The following NEK11 variants were observed in gnomAD, a reference collection of about 807,000 sequenced individuals.
The protein encoded by NEK11 is serine/threonine-protein kinase Nek11.
In NEK11, 72 loss-of-function variants were observed where a neutral mutation model predicts 80.7. The observed-to-expected ratio is 0.89, with a 90% CI of 0.74 to 1.08. The LOEUF is 1.08. Among genes scored for constraint, NEK11 ranks in the 50% least tolerant of loss-of-function variants. The pLI is 0.00. For missense variants in NEK11, 764 were observed against 763.6 expected (o/e 1.00, Z -0.01); for synonymous variants, 251 against 260.7 (o/e 0.96, Z 0.36).
rs140998369 is a variant in NEK11, at chr3:131,028,552, T to TTTTTTG, written c.-97+577_-97+582dup. 3.2e-3 allele frequency among the ~76,000 whole-genome samples: 482 copies of TTTTTTG among 150,014 alleles called. 2 individuals carry two copies. Among genetic ancestry groups the TTTTTTG allele is most frequent in the Non-Finnish European group, 4.9e-3 (331 of 67,274 alleles). On this transcript the variant is annotated intron_variant, in intron 2 of 17. Transcript: ENST00000383366. The stretch of plus-strand genomic sequence containing the variant: ...CATATGAAACAGTCCTGCCTTTCTT[T>TTTTTTG]TTTTTGTTTTTGTTTTTGTTTTTGT...
At chr3:131,267,082 C>T (rs1159264002) in intron 16 of NEK11, among the ~76,000 whole-genome samples, 5 of 152,108 alleles carry the variant, frequency 3.3e-5, no homozygotes, top group Non-Finnish European at 7.4e-5. Flanking sequence ...CTATGTGTGT[C>T]TCTGCATGTG....
chr3:131,119,284 G>A (rs186968273), intron 5 of NEK11, among the ~76,000 whole-genome samples: 5 of 152,332 alleles, frequency 3.3e-5, no homozygotes, highest in Admixed American at 2.6e-4. Flanking sequence ...GCGGTTTTGA[G>A]TGAGTTTCTT....
chr3:131,207,236 C>T (rs1260719972), intron 14 of NEK11, among the ~76,000 whole-genome samples: 7 of 152,294 alleles, frequency 4.6e-5, no homozygotes, highest in African/African-American at 7.2e-5. Context: ...CTTGAGGAAT[C>T]GCCACACTGT....
intron 5 of NEK11, among the ~76,000 whole-genome samples, chr3:131,111,160 G>C (rs1351924163): frequency 6.6e-6 from 1 of 152,058 alleles, no homozygotes; most frequent in East Asian, 1.9e-4. Flanking sequence ...ACTGGAATTT[G>C]GTTGATTTAA....
rs758099709 is a variant in NEK11, at chr3:131,152,395, G to A, written c.655G>A (p.Ala219Thr). ...CTTTGACTTTGTCTTCAGGTCACTGGCATGCATTTTGTATGAGATGTGCTG... is the reference window on the plus strand; with the variant it reads ...CTTTGACTTTGTCTTCAGGTCACTGACATGCATTTTGTATGAGATGTGCTG... ...YDTKSDIWSL[A>T]CILYEMCCMN... is the part of the protein sequence containing the mutation. Residue 219 changes from alanine (A) to threonine (T), a missense_variant, in exon 8 of 18, where the codon GCA becomes ACA. Coordinates refer to ENST00000383366, the MANE Select transcript of NEK11 (RefSeq NM_024800.5). 1.6e-5 allele frequency: 25 copies of A among 1,598,400 alleles called. No homozygotes were observed. Among genetic ancestry groups the A allele is most frequent in the African/African-American group, 2.7e-5 (2 of 73,954 alleles).
intron 14 of NEK11, among the ~76,000 whole-genome samples, chr3:131,183,092 A>G (rs2093438532): frequency 6.6e-6 from 1 of 152,194 alleles, no homozygotes; most frequent in Non-Finnish European, 1.5e-5. Flanking sequence ...TGTTTTTGAC[A>G]TCCCAAATGA....
At chr3:131,239,689 G>A (rs1383296751) in intron 15 of NEK11, among the ~76,000 whole-genome samples, 1 of 152,126 alleles carries the variant, frequency 6.6e-6, no homozygotes, top group African/African-American at 2.4e-5. Context: ...GGAGCAGTGA[G>A]CAAAAGAATA....
chr3:131,345,495 C>T (rs572945765), intron 17 of NEK11, among the ~76,000 whole-genome samples: 1 of 152,250 alleles, frequency 6.6e-6, no homozygotes, highest in South Asian at 2.1e-4. Flanking sequence ...TGAAATATCA[C>T]CTCACACCCC....
At chr3:131,210,485 A>C (rs1198272969) in intron 14 of NEK11, among the ~76,000 whole-genome samples, 2 of 152,214 alleles carry the variant, frequency 1.3e-5, no homozygotes, top group African/African-American at 2.4e-5. Context: ...GATGTCTATT[A>C]GGTCTGCTTG....
intron 4 of NEK11, among the ~76,000 whole-genome samples, chr3:131,108,996 C>G (rs1004538206): frequency 6.6e-5 from 10 of 152,006 alleles, no homozygotes; most frequent in African/African-American, 2.4e-4. Flanking sequence ...ATTGGCCGAC[C>G]TTTTTAAGTT....
At chr3:131,124,165 T>G (rs924175895) in intron 5 of NEK11, among the ~76,000 whole-genome samples, 11 of 152,164 alleles carry the variant, frequency 7.2e-5, no homozygotes, top group Non-Finnish European at 1.2e-4. Context: ...TTTTTTGTCT[T>G]TTATAAGAGT....
intron 17 of NEK11, among the ~76,000 whole-genome samples, chr3:131,296,013 G>C (rs1020813189): frequency 1.3e-5 from 2 of 151,966 alleles, no homozygotes; most frequent in Non-Finnish European, 2.9e-5. Flanking sequence ...GCTAATTTTT[G>C]TATTTTTTGT....
At chr3:131,342,938 T>C (rs570051842) in intron 17 of NEK11, among the ~76,000 whole-genome samples, 23 of 152,238 alleles carry the variant, frequency 1.5e-4, no homozygotes, top group African/African-American at 5.3e-4. Context: ...AATATATGTA[T>C]ACAAAGAAGT....
At chr3:131,153,845 C>G (rs892899447) in intron 9 of NEK11, among the ~76,000 whole-genome samples, 1 of 152,022 alleles carries the variant, frequency 6.6e-6, no homozygotes, top group Admixed American at 6.5e-5. Context: ...ATGCCTAGCA[C>G]TGGGAAGAAA....
chr3:131,058,170 C>T (rs1328025446), intron 3 of NEK11, among the ~76,000 whole-genome samples: 1 of 152,092 alleles, frequency 6.6e-6, no homozygotes, highest in Non-Finnish European at 1.5e-5. Flanking sequence ...GCTTGTTTTT[C>T]TCAGGTTTGT....
intron 14 of NEK11, among the ~76,000 whole-genome samples, chr3:131,200,745 C>T (rs898072716): frequency 1.3e-5 from 2 of 152,184 alleles, no homozygotes. Flanking sequence ...TATATAAACC[C>T]TAGAGTTAGT....
intron 17 of NEK11, among the ~76,000 whole-genome samples, chr3:131,279,711 C>A (rs977446083): frequency 1.3e-5 from 2 of 152,126 alleles, no homozygotes; most frequent in Non-Finnish European, 2.9e-5. Context: ...GCATCATAGA[C>A]CCCCATTGTA....
chr3:131,071,165 A>G (rs1218024500), intron 3 of NEK11, among the ~76,000 whole-genome samples: 1 of 152,028 alleles, frequency 6.6e-6, no homozygotes, highest in African/African-American at 2.4e-5. Context: ...TGCTAATGTT[A>G]TTATCAGCTC....
At chr3:131,288,357 A>C (rs1454997721) in intron 17 of NEK11, among the ~76,000 whole-genome samples, 1 of 151,836 alleles carries the variant, frequency 6.6e-6, no homozygotes, top group Non-Finnish European at 1.5e-5. Context: ...GTTGGTGAGC[A>C]TACTGATCAT....
Sources: gnomAD v4.1 joint callset for allele counts (sites outside exome capture counted in the v4.1 genomes callset) on GRCh38, gnomAD v4.1.1 for gene constraint, MANE v1.5 for transcripts, NCBI Gene and HGNC (gene_info 2026-07-23, HGNC 2026-07-21) for gene names.